The following OSGIN2 variants were observed in gnomAD, a reference collection of about 807,000 sequenced individuals.
The protein encoded by OSGIN2 is oxidative stress-induced growth inhibitor 2.
A neutral mutation model predicts 53.8 loss-of-function variants in OSGIN2; 19 were observed. The observed-to-expected ratio is 0.35, with a 90% CI of 0.25 to 0.52. The LOEUF (loss-of-function observed/expected upper bound fraction) is 0.52, where lower values mean the gene tolerates loss of function less well. Among genes scored for constraint, OSGIN2 ranks in the 20% least tolerant of loss-of-function variants. The probability of loss-of-function intolerance (pLI) is 0.95; values close to 1 mark genes in which losing one functional copy is unlikely to be tolerated. For synonymous variants in OSGIN2, 236 were observed against 236.0 expected (o/e 1.00, Z 0.00); for missense variants, 520 against 662.7 (o/e 0.78, Z 2.36).
chr8:89,902,565 C>G (rs936302837), upstream of OSGIN2: 1 of 153,540 alleles, frequency 6.5e-6, no homozygotes, highest in Non-Finnish European at 1.4e-5. Context: ...CCCGAGATCA[C>G]CCGCCTCCGG....
chr8:89,921,779 T>C (rs941035759), intron 5 of OSGIN2, among the ~76,000 whole-genome samples: 6 of 152,104 alleles, frequency 3.9e-5, no homozygotes, highest in Admixed American at 3.9e-4. Flanking sequence ...GTCAGGCGTT[T>C]GAGGCCAGCT....
intron 4 of OSGIN2, among the ~76,000 whole-genome samples, chr8:89,918,169 A>AT (rs1809120392): frequency 6.6e-6 from 1 of 152,212 alleles, no homozygotes; most frequent in Admixed American, 6.5e-5. Context: ...GAGTCTCAGA[A>AT]TTTATCTTTT....
Position 89,914,138 on chromosome 8 carries a change from A to G in OSGIN2, c.261A>G (p.Ser87=), listed in dbSNP as rs1348713574. The G allele has an allele frequency of 3.7e-6, 6 of 1,601,306 alleles. No homozygotes were observed. Among genetic ancestry groups the G allele is most frequent in the Non-Finnish European group, 5.1e-6 (6 of 1,168,730 alleles). The change falls in exon 3 of 6, where the codon TCA becomes TCG. Residue 87 remains serine (S), a synonymous_variant. Coordinates refer to ENST00000451899, the MANE Select transcript of OSGIN2 (RefSeq NM_001126111.3). The part of the protein sequence containing the change: ...YMLSGYRPYL[S]SEAIHPNTIL... ...TATCAGGCTACAGACCGTATTTATCATCAGAAGCAATACACCCAAATACAA... is the reference window on the plus strand; with the variant it reads ...TATCAGGCTACAGACCGTATTTATCGTCAGAAGCAATACACCCAAATACAA...
At chr8:89,902,039 CAG>C (rs968848830), upstream of OSGIN2, 1 of 152,356 alleles carries the variant, frequency 6.6e-6, no homozygotes, top group African/African-American at 2.4e-5. Flanking sequence ...GTGAGTCCTC[CAG>C]GTAACTGTGA....
rs141646978 is a variant in OSGIN2 at position 89,908,967 on chromosome 8, C to T, written c.45-600C>T. Among the ~76,000 whole-genome samples the T allele has an allele frequency of 2.7e-3, 346 of 127,564 alleles. 2 individuals are homozygous for T. The highest frequency in any genetic ancestry group is 0.01 in the African/African-American group (336 of 32,140). The allele number at this position is 127,564 out of a possible 152,430, so 83.7% of individuals were successfully genotyped here. A position where few individuals can be genotyped will look rare whatever the true frequency, so the allele number is the denominator to read the frequency against. On this transcript the variant is annotated intron_variant, in intron 1 of 5. Transcript: ENST00000451899. ...TGGAGGCTGCAGTGAGCCATGCTTG[C>T]GCCATTATACTCCAGCCTGGGTGAC...
At chr8:89,905,990 T>C (rs1047176983) in intron 1 of OSGIN2, among the ~76,000 whole-genome samples, 2 of 152,206 alleles carry the variant, frequency 1.3e-5, no homozygotes, top group African/African-American at 4.8e-5. Flanking sequence ...AATGCAATAC[T>C]TATGCACTGA....
In OSGIN2 at chr8:89,924,695, G is replaced by C. The variant is rs1809278325; in HGVS notation, c.813G>C (p.Lys271Asn). ...CAACAAAGCATTTACAGATAGAGAA[G>C]TCAAACTTTATCAAGAGAAACTGGG... ...DISTKHLQIE[K>N]SNFIKRNWEI... is the part of the protein sequence containing the mutation. The change falls in exon 6 of 6, where the codon AAG (lysine) becomes AAC (asparagine). Residue 271 changes from lysine to asparagine, a missense_variant. Lys to Asn is a moderately conservative substitution (Grantham distance 94). Coordinates refer to ENST00000451899, the MANE Select transcript of OSGIN2 (RefSeq NM_001126111.3). 1.2e-6 allele frequency: 2 copies of C among 1,613,958 alleles called. No individual in the cohort carries two copies. The highest frequency in any genetic ancestry group is 2.7e-5 in the African/African-American group (2 of 74,926).
intron 4 of OSGIN2, among the ~76,000 whole-genome samples, chr8:89,918,644 C>T (rs1881468): frequency 0.3 from 46,256 of 152,066 alleles, 7,110 homozygotes; most frequent in East Asian, 0.41. Context: ...TTCTCATATA[C>T]CCAAGTAAAT....
chr8:89,918,100 T>G (rs1355350323), intron 4 of OSGIN2, among the ~76,000 whole-genome samples: 1 of 152,230 alleles, frequency 6.6e-6, no homozygotes, highest in Non-Finnish European at 1.5e-5. Flanking sequence ...CCACCGGTTT[T>G]CCATTGGAAC....
At chr8:89,918,741 T>C (rs974917125) in intron 4 of OSGIN2, among the ~76,000 whole-genome samples, 26 of 152,218 alleles carry the variant, frequency 1.7e-4, no homozygotes, top group African/African-American at 6.0e-4. Context: ...TCAATTTCCT[T>C]GTCATTAAAT....
chr8:89,914,779 G>A (rs1270976583), intron 4 of OSGIN2, 33 bp downstream of exon 4: 2 of 1,526,314 alleles, frequency 1.3e-6, no homozygotes, highest in Admixed American at 1.7e-5. Flanking sequence ...TTTAGTGTAT[G>A]TGAATTATTT....
At chr8:89,903,485 C>G (rs1273280553) in intron 1 of OSGIN2, among the ~76,000 whole-genome samples, 2 of 152,120 alleles carry the variant, frequency 1.3e-5, no homozygotes, top group Non-Finnish European at 2.9e-5. Context: ...TGATTTTAAC[C>G]CTGGGGTGAA....
chr8:89,902,677 G>T lies in OSGIN2; in HGVS notation c.-117G>T, dbSNP rs925997189. On this transcript the variant is annotated 5_prime_UTR_variant, in exon 1 of 6. Coordinates refer to ENST00000451899, the MANE Select transcript of OSGIN2 (RefSeq NM_001126111.3). ...GCGGCAACGGCGAGGCGCGAGGCAG[G>T]GGCGCCCGGCAGACCCCGCGACCCC... The T allele has an allele frequency of 5.5e-5, 15 of 272,928 alleles. No homozygotes were observed. Among genetic ancestry groups the T allele is most frequent in the African/African-American group, 3.2e-4 (14 of 43,562 alleles). The allele number at this position is 272,928 out of a possible 1,614,324, so 16.9% of individuals were successfully genotyped here.
rs775847652 is a variant in OSGIN2 at position 89,914,260 on chromosome 8, CAA to C, written c.336+48_336+49del. The C allele has an allele frequency of 7.2e-6, 10 of 1,391,906 alleles. No homozygotes were observed. The East Asian group carries it at 1.4e-4, about 19-fold the overall frequency. The allele number at this position is 1,391,906 out of a possible 1,614,324, so 86.2% of individuals were successfully genotyped here. On this transcript the variant is annotated intron_variant, in intron 3 of 5. Transcript: ENST00000451899. ...TTTAAAAAATTTTTTTATGCTGAAA[CAA>C]GATTAGTTTTTATTTATATGAACTT...
chr8:89,916,975 C>T (rs914805194), intron 4 of OSGIN2, among the ~76,000 whole-genome samples: 1 of 152,184 alleles, frequency 6.6e-6, no homozygotes, highest in African/African-American at 2.4e-5. Flanking sequence ...TCTAGCTTTT[C>T]TACCATTCCA....
At chr8:89,908,627 GAT>G (rs1244566159) in intron 1 of OSGIN2, among the ~76,000 whole-genome samples, 1 of 151,984 alleles carries the variant, frequency 6.6e-6, no homozygotes, top group Admixed American at 6.6e-5. Context: ...ACTGTATGAA[GAT>G]AAAATTAATT....
chr8:89,902,816 G>C lies in OSGIN2; in HGVS notation c.23G>C (p.Cys8Ser). The C allele has an allele frequency of 7.3e-7, 1 of 1,370,754 alleles. No homozygotes were observed. The highest frequency in any genetic ancestry group is 1.7e-5 in the South Asian group (1 of 57,322). The allele number at this position is 1,370,754 out of a possible 1,614,324, so 84.9% of individuals were successfully genotyped here. A position where few individuals can be genotyped will look rare whatever the true frequency, so the allele number is the denominator to read the frequency against. MPVWCCR[C>S]SLAGHFRNYS... ...TCCATGCCCGTGTGGTGCTGCCGCT[G>C]CTCCCTGGCCGGTCATTTCAGGTGA... Residue 8 changes from cysteine (C) to serine (S), a missense_variant, in exon 1 of 6, where the codon TGC (cysteine) becomes TCC (serine). Physicochemically the swap from Cys to Ser is moderately radical, Grantham distance 112 (BLOSUM62 -1). Coordinates refer to ENST00000451899, the MANE Select transcript of OSGIN2 (RefSeq NM_001126111.3).
At chr8:89,918,036 A>T (rs1809118126) in intron 4 of OSGIN2, among the ~76,000 whole-genome samples, 2 of 152,184 alleles carry the variant, frequency 1.3e-5, no homozygotes, top group Non-Finnish European at 2.9e-5. Context: ...TTACCTATAC[A>T]TACTTCTCCC....
chr8:89,905,334 T>G (rs1808817266), intron 1 of OSGIN2, among the ~76,000 whole-genome samples: 1 of 152,232 alleles, frequency 6.6e-6, no homozygotes. Flanking sequence ...TAATTGTACA[T>G]ATTTTCCAAT....
Sources: gnomAD v4.1 joint callset for allele counts (sites outside exome capture counted in the v4.1 genomes callset) on GRCh38, gnomAD v4.1.1 for gene constraint, MANE v1.5 for transcripts, NCBI Gene and HGNC (gene_info 2026-07-23, HGNC 2026-07-21) for gene names.